The following CCDC13 variants were observed in gnomAD, a reference collection of about 807,000 sequenced individuals.
CCDC13 encodes coiled-coil domain-containing protein 13.
Under a neutral mutation model 87.3 loss-of-function variants are expected in CCDC13, and 70 were observed. The observed-to-expected ratio is 0.80, with a 90% confidence interval of 0.66 to 0.98. CCDC13 has a LOEUF of 0.98. Ranked by LOEUF, CCDC13 falls within the 50% of genes least tolerant of loss-of-function variation. The probability of loss-of-function intolerance (pLI) is 0.00; values close to 1 mark genes in which losing one functional copy is unlikely to be tolerated. For synonymous variants in CCDC13, 317 were observed against 360.3 expected (o/e 0.88, Z 1.36); for missense variants, 842 against 892.0 (o/e 0.94, Z 0.71).
At chr3:42,721,995 G>A (rs1469076264) in intron 13 of CCDC13, among the ~76,000 whole-genome samples, 1 of 152,190 alleles carries the variant, frequency 6.6e-6, no homozygotes, top group African/African-American at 2.4e-5. Context: ...CAGTTGGCCA[G>A]TTCATGGAAA....
chr3:42,713,207 C>T lies in CCDC13; in HGVS notation c.1828G>A (p.Gly610Arg), dbSNP rs1314466222. 1 of 1,614,108 alleles carries T rather than the reference C, an allele frequency of 6.2e-7. No homozygotes were observed. The highest frequency in any genetic ancestry group is 2.2e-5 in the East Asian group (1 of 44,902). Residue 610 changes from glycine to arginine, a missense_variant, in exon 14 of 16, where the codon GGG becomes AGG. Physicochemically the swap from Gly to Arg is moderately radical, Grantham distance 125 (BLOSUM62 -2). Transcript: ENST00000310232. ...GCTCTCTGGGAGGCTGATGCCTTCC[C>T]TGGCTCCAGGCGTATCTTCTCCAGA... ...QHLEKIRLEP[G>R]KASASQRAAP...
chr3:42,741,028 C>A (rs1172764643), intron 8 of CCDC13: 1 of 152,204 alleles, frequency 6.6e-6, no homozygotes. Flanking sequence ...TTTCCTTCCA[C>A]CCGCTATTGC....
At chr3:42,715,270 T>C (rs1484418812) in intron 13 of CCDC13, among the ~76,000 whole-genome samples, 1 of 151,126 alleles carries the variant, frequency 6.6e-6, no homozygotes, top group East Asian at 1.9e-4. Flanking sequence ...GATTGTGCCA[T>C]TGTACTCCAG....
chr3:42,745,957 C>G lies in CCDC13; in HGVS notation c.791G>C (p.Gly264Ala), dbSNP rs769786833. 7.4e-6 allele frequency: 12 copies of G among 1,614,000 alleles called. No homozygotes were observed. The highest frequency in any genetic ancestry group is 9.3e-6 in the Non-Finnish European group (11 of 1,179,984). ...CAAAACAAGAATTTGTTGAGCCCGACCCCTCCAGGTCCCTGGCGAAGATAG... is the reference window on the plus strand; with the variant it reads ...CAAAACAAGAATTTGTTGAGCCCGAGCCCTCCAGGTCCCTGGCGAAGATAG... The part of the protein sequence containing the change: ...QLLSSPGTWR[G>A]RAQQILVLQS... Residue 264 changes from glycine to alanine, a missense_variant, in exon 7 of 16, where the codon GGT becomes GCT. Transcript: ENST00000310232.
At chr3:42,758,037 A>T in intron 2 of CCDC13, 88 bp downstream of exon 2, 1 of 1,135,370 alleles carries the variant, frequency 8.8e-7, no homozygotes, top group Non-Finnish European at 1.3e-6. Context: ...GCTGCATTTT[A>T]CAAGTTTTGC....
intron 13 of CCDC13, among the ~76,000 whole-genome samples, chr3:42,719,871 AAAT>A (rs1463455657): frequency 3.9e-5 from 6 of 152,212 alleles, no homozygotes; most frequent in African/African-American, 1.4e-4. Flanking sequence ...ATTGGTTTGA[AAAT>A]AATAAGAGCT....
intron 13 of CCDC13, among the ~76,000 whole-genome samples, chr3:42,721,829 G>A (rs1698569311): frequency 6.6e-6 from 1 of 152,186 alleles, no homozygotes; most frequent in Admixed American, 6.5e-5. Context: ...AACCCCTTGG[G>A]CAACTGACCT....
chr3:42,752,902 G>A (rs956488492), intron 3 of CCDC13, among the ~76,000 whole-genome samples, 185 bp from the exon 4 acceptor site: 1 of 152,162 alleles, frequency 6.6e-6, no homozygotes, highest in South Asian at 2.1e-4. Flanking sequence ...CCAATGAGTG[G>A]AAATGCAGCC....
chr3:42,771,374 T>G (rs540579596), intron 1 of CCDC13, among the ~76,000 whole-genome samples: 31 of 152,200 alleles, frequency 2.0e-4, no homozygotes, highest in African/African-American at 6.5e-4. Context: ...AGGGGGTTTT[T>G]GGGGAGGTGA....
intron 9 of CCDC13, among the ~76,000 whole-genome samples, 159 bp from the exon 10 acceptor site, chr3:42,736,072 C>A (rs1279650562): frequency 1.3e-5 from 2 of 152,246 alleles, no homozygotes; most frequent in Non-Finnish European, 2.9e-5. Flanking sequence ...TGCCTGCCAT[C>A]AGGGGATGTT....
Position 42,705,875 on chromosome 3 carries a change from A to T in CCDC13, c.*3105T>A, listed in dbSNP as rs1354513755. ...AAAATCCTTCTCCCAGGCTCTCCCC[A>T]CCTTCCCTTTACTCCTCCTTGCTCC... is the stretch of plus-strand genomic sequence containing the variant. On this transcript the variant is annotated 3_prime_UTR_variant, in exon 16 of 16. Coordinates refer to ENST00000310232, the MANE Select transcript of CCDC13 (RefSeq NM_144719.4). 6.6e-6 allele frequency among the ~76,000 whole-genome samples: 1 copy of T among 151,942 alleles called. No homozygotes were observed. The highest frequency in any genetic ancestry group is 2.4e-5 in the African/African-American group (1 of 41,352).
At chr3:42,761,195 T>C (rs1699825349) in intron 1 of CCDC13, among the ~76,000 whole-genome samples, 1 of 152,198 alleles carries the variant, frequency 6.6e-6, no homozygotes, top group African/African-American at 2.4e-5. Context: ...ATAAATCTTG[T>C]TTATTTTCCA....
At chr3:42,762,386 G>C (rs1309485224) in intron 1 of CCDC13, among the ~76,000 whole-genome samples, 1 of 152,230 alleles carries the variant, frequency 6.6e-6, no homozygotes. Context: ...CCTTCCTGAT[G>C]AGAGTGTTTT....
chr3:42,722,034 T>C (rs1365320727), intron 13 of CCDC13, among the ~76,000 whole-genome samples: 1 of 152,248 alleles, frequency 6.6e-6, no homozygotes, highest in African/African-American at 2.4e-5. Flanking sequence ...CTTGGGATAA[T>C]TTTACTTACC....
chr3:42,706,047 C>G lies in CCDC13; in HGVS notation c.*2933G>C, dbSNP rs893824428. 6.6e-6 allele frequency: 1 copy of G among 152,348 alleles called. No homozygotes were observed. Among genetic ancestry groups the G allele is most frequent in the Non-Finnish European group, 1.5e-5 (1 of 68,134 alleles). The allele number at this position is 152,348 out of a possible 1,614,324, so 9.4% of individuals were successfully genotyped here. A position where few individuals can be genotyped will look rare whatever the true frequency, so the allele number is the denominator to read the frequency against. ...CGGTCCTGCATCCTTCCCCACCCAGCTCCATCATGGCGTTTCCCACACCTC... is the reference window on the plus strand; with the variant it reads ...CGGTCCTGCATCCTTCCCCACCCAGGTCCATCATGGCGTTTCCCACACCTC... On this transcript the variant is annotated 3_prime_UTR_variant, in exon 16 of 16. Coordinates refer to ENST00000310232, the MANE Select transcript of CCDC13 (RefSeq NM_144719.4).
intron 1 of CCDC13, among the ~76,000 whole-genome samples, chr3:42,770,147 G>A (rs1054385331): frequency 1.3e-5 from 2 of 152,238 alleles, no homozygotes; most frequent in Non-Finnish European, 2.9e-5. Flanking sequence ...TGGGGACTTG[G>A]AGAACCTTTG....
chr3:42,772,411 A>C (rs1300132996), intron 1 of CCDC13, among the ~76,000 whole-genome samples: 1 of 152,144 alleles, frequency 6.6e-6, no homozygotes, highest in Non-Finnish European at 1.5e-5. Context: ...ATGAGGAAGC[A>C]AGATCCCACA....
intron 11 of CCDC13, 48 bp from the exon 12 acceptor site, chr3:42,733,018 C>T (rs1472920706): frequency 1.4e-6 from 2 of 1,481,226 alleles, no homozygotes; most frequent in Admixed American, 2.0e-5. Context: ...GCAGACCAGG[C>T]CCTACTGGGC....
At chr3:42,758,045 T>A (rs1413389427) in intron 2 of CCDC13, 80 bp downstream of exon 2, 3 of 1,217,916 alleles carry the variant, frequency 2.5e-6, no homozygotes, top group Non-Finnish European at 3.5e-6. Flanking sequence ...TTACAAGTTT[T>A]GCTATAGCTC....
Sources: gnomAD v4.1 joint callset for allele counts (sites outside exome capture counted in the v4.1 genomes callset) on GRCh38, gnomAD v4.1.1 for gene constraint, MANE v1.5 for transcripts, NCBI Gene and HGNC (gene_info 2026-07-23, HGNC 2026-07-21) for gene names.